ASCC3: variants seen among roughly 807,000 people sequenced by gnomAD.
ASCC3 encodes the protein activating signal cointegrator 1 complex subunit 3, also known as ASC-1 complex subunit P200.
In ASCC3, 158 loss-of-function variants were observed where a neutral mutation model predicts 256.3. The ratio of observed to expected loss-of-function variants is 0.62; its 90% CI spans 0.54 to 0.70. The LOEUF (loss-of-function observed/expected upper bound fraction) is 0.70, where lower values mean the gene tolerates loss of function less well. Among genes scored for constraint, ASCC3 ranks in the 30% least tolerant of loss-of-function variants. ASCC3 has a pLI of 0.00. For missense variants in ASCC3, 2,259 were observed against 2,626.0 expected (o/e 0.86, Z 3.05); for synonymous variants, 948 against 883.4 (o/e 1.07, Z -1.30).
intron 36 of ASCC3, among the ~76,000 whole-genome samples, chr6:100,570,849 T>C (rs1453025416): frequency 6.6e-6 from 1 of 152,170 alleles, no homozygotes; most frequent in Non-Finnish European, 1.5e-5. Context: ...TCTTTACTTA[T>C]AATCAATCAA....
chr6:100,552,290 G>A (rs771361498), intron 36 of ASCC3, among the ~76,000 whole-genome samples: 4 of 151,842 alleles, frequency 2.6e-5, no homozygotes, highest in Non-Finnish European at 2.9e-5. Context: ...CCTTCACTAT[G>A]TAAAATAAAA....
intron 10 of ASCC3, among the ~76,000 whole-genome samples, chr6:100,762,767 T>C (rs1016817843): frequency 2.6e-5 from 4 of 152,164 alleles, no homozygotes; most frequent in African/African-American, 9.7e-5. Flanking sequence ...TTATACAAGA[T>C]TCTTAACAAG....
At chr6:100,593,759 T>C (rs1191944631) in intron 34 of ASCC3, among the ~76,000 whole-genome samples, 2 of 152,208 alleles carry the variant, frequency 1.3e-5, no homozygotes, top group Non-Finnish European at 2.9e-5. Flanking sequence ...ATAGCGAAAG[T>C]GGTTGCAGGA....
At chr6:100,675,259 T>C (rs969155312) in intron 14 of ASCC3, among the ~76,000 whole-genome samples, 1 of 152,042 alleles carries the variant, frequency 6.6e-6, no homozygotes, top group Non-Finnish European at 1.5e-5. Flanking sequence ...GGTTAAGATA[T>C]GGCAGGGAAA....
chr6:100,650,164 A>G (rs1400991926), intron 20 of ASCC3, among the ~76,000 whole-genome samples: 2 of 150,614 alleles, frequency 1.3e-5, no homozygotes, highest in Non-Finnish European at 3.0e-5. Context: ...AAAAAGTTCC[A>G]CAATCTTTTC....
intron 20 of ASCC3, among the ~76,000 whole-genome samples, chr6:100,647,697 G>T (rs1775452479): frequency 6.6e-6 from 1 of 151,980 alleles, no homozygotes. Flanking sequence ...CAAGTTCTTA[G>T]AAAGCTCTAC....
chr6:100,535,863 A>T (rs992079962), intron 37 of ASCC3, among the ~76,000 whole-genome samples: 1 of 152,222 alleles, frequency 6.6e-6, no homozygotes, highest in Non-Finnish European at 1.5e-5. Context: ...GAATGCTTAT[A>T]ACTTAAAATC....
chr6:100,553,771 CATTTT>C (rs1359011925), intron 36 of ASCC3, among the ~76,000 whole-genome samples: 1 of 152,084 alleles, frequency 6.6e-6, no homozygotes, highest in African/African-American at 2.4e-5. Flanking sequence ...GAATACTTTT[CATTTT>C]GTTTCCCTTT....
chr6:100,625,482 G>T, intron 29 of ASCC3, 148 bp from the exon 30 acceptor site: 1 of 906,748 alleles, frequency 1.1e-6, no homozygotes, highest in Non-Finnish European at 1.8e-6. Flanking sequence ...ACATGGATCT[G>T]GCAGCATATT....
At chr6:100,665,560 T>C (rs1238174452) in intron 14 of ASCC3, among the ~76,000 whole-genome samples, 1 of 150,860 alleles carries the variant, frequency 6.6e-6, no homozygotes, top group Admixed American at 6.6e-5. Context: ...CCGTCTCTAC[T>C]AACAAAAACA....
At chr6:100,844,362 A>T (rs575237132) in intron 4 of ASCC3, among the ~76,000 whole-genome samples, 1 of 151,760 alleles carries the variant, frequency 6.6e-6, no homozygotes, top group African/African-American at 2.4e-5. Context: ...GTCCATACAT[A>T]ACAGGCACTT....
chr6:100,657,776 T>C (rs1775985712), intron 16 of ASCC3, among the ~76,000 whole-genome samples: 1 of 151,476 alleles, frequency 6.6e-6, no homozygotes, highest in African/African-American at 2.4e-5. Flanking sequence ...GCAAGTGTTG[T>C]AAATGTTCAC....
intron 4 of ASCC3, among the ~76,000 whole-genome samples, chr6:100,806,196 CTCT>C (rs1016797330): frequency 1.3e-5 from 2 of 151,940 alleles, no homozygotes; most frequent in African/African-American, 4.8e-5. Flanking sequence ...ATTTAATTTG[CTCT>C]TCAACATATC....
At chr6:100,569,771 T>C (rs1203382677) in intron 36 of ASCC3, among the ~76,000 whole-genome samples, 1 of 152,182 alleles carries the variant, frequency 6.6e-6, no homozygotes, top group Non-Finnish European at 1.5e-5. Flanking sequence ...TTGCCCTCTT[T>C]TTTGGTTCTA....
chr6:100,713,802 G>A (rs1002860555), intron 13 of ASCC3, among the ~76,000 whole-genome samples: 3 of 152,040 alleles, frequency 2.0e-5, no homozygotes, highest in African/African-American at 7.3e-5. Flanking sequence ...AGAGTTTACA[G>A]ACCACAGGTA....
chr6:100,650,786 C>T (rs985679444), intron 19 of ASCC3, 72 bp from the exon 20 acceptor site: 2 of 1,181,404 alleles, frequency 1.7e-6, no homozygotes, highest in East Asian at 4.8e-5. Context: ...AAATTAAATA[C>T]ATTGCATGTT....
intron 30 of ASCC3, among the ~76,000 whole-genome samples, chr6:100,608,117 T>TGTA (rs1562161146): frequency 4.8e-4 from 23 of 47,872 alleles, no homozygotes; most frequent in Non-Finnish European, 7.7e-4. Context: ...TGTATATATA[T>TGTA]CTATATATAC....
At chr6:100,858,454 A>T in intron 3 of ASCC3, 1 of 547,018 alleles carries the variant, frequency 1.8e-6, no homozygotes, top group Non-Finnish European at 2.3e-6. Context: ...CAAGTTTTTT[A>T]TAGCTACAGC....
intron 26 of ASCC3, 54 bp from the exon 27 acceptor site, chr6:100,629,235 T>C: frequency 6.5e-7 from 1 of 1,527,576 alleles, no homozygotes. Context: ...CAAATGACCT[T>C]GGAAATGCAA....
Sources: allele counts gnomAD v4.1 joint callset (sites outside exome capture counted in the v4.1 genomes callset), GRCh38; gene constraint gnomAD v4.1.1; transcripts MANE v1.5; gene names NCBI Gene and HGNC (gene_info 2026-07-23, HGNC 2026-07-21).